The following RTP1 variants were observed in gnomAD, a reference collection of about 807,000 sequenced individuals.
RTP1 encodes the protein receptor transporter protein 1, also known as receptor-transporting protein 1.
Under a neutral mutation model 27.1 loss-of-function variants are expected in RTP1, and 24 were observed. The ratio of observed to expected loss-of-function variants is 0.89; its 90% CI spans 0.64 to 1.25. The LOEUF is 1.25. Among genes scored for constraint, RTP1 ranks in the 50% most tolerant of loss-of-function variants. The probability of loss-of-function intolerance (pLI) is 0.00; values close to 1 mark genes in which losing one functional copy is unlikely to be tolerated. For missense variants in RTP1, 338 were observed against 351.6 expected, an observed-to-expected ratio of 0.96 and a Z score of 0.31; for synonymous variants, 148 against 148.1, an observed-to-expected ratio of 1.00 and a Z score of 0.00.
chr3:187,199,580 G>C lies in RTP1; in HGVS notation c.302G>C (p.Trp101Ser). 1 of 1,597,372 alleles carries C rather than the reference G, an allele frequency of 6.3e-7. No homozygotes were observed. The highest frequency in any genetic ancestry group is 1.3e-5 in the African/African-American group (1 of 74,768). The part of the protein sequence containing the change: ...RFHCSWCWHT[W>S]QSPYVVILFH... The stretch of plus-strand genomic sequence containing the variant: ...CACTGCTCCTGGTGCTGGCACACCT[G>C]GCAGTCGCCCTACGTGGTCATCCTC... Residue 101 changes from tryptophan to serine, a missense_variant, in exon 2 of 2, where the codon TGG (tryptophan) becomes TCG (serine). Physicochemically the swap from Trp to Ser is radical, Grantham distance 177. This residue lies in a region of RTP1 where 252 missense variants were observed against 231.5 expected (regional missense o/e 1.09). Transcript: ENST00000312295.
chr3:187,197,488 T>G lies in RTP1; in HGVS notation c.-28T>G, dbSNP rs775360688. On this transcript the variant is annotated 5_prime_UTR_variant, in exon 1 of 2. Transcript: ENST00000312295. ...TTCCACTGCGGACAAAGGAGGGAGC[T>G]GGGTCCTGCTTCCTCCTGGTCTTGT... 1 of 1,603,676 alleles carries G rather than the reference T, an allele frequency of 6.2e-7. No individual in the cohort carries two copies. Among genetic ancestry groups the G allele is most frequent in the South Asian group, 1.1e-5 (1 of 90,508 alleles).
Position 187,199,896 on chromosome 3 carries a change from G to T in RTP1, c.618G>T (p.Lys206Asn). Reference protein sequence around the residue: ...EGIVHWKPSEKLLEEEATTYT... With the variant: ...EGIVHWKPSENLLEEEATTYT... ...TCGTGCACTGGAAGCCCAGCGAGAA[G>T]CTGCTGGAGGAGGAGGCGACCACCT... Residue 206 changes from lysine to asparagine, a missense_variant, in exon 2 of 2, where the codon AAG becomes AAT. Coordinates refer to ENST00000312295, the MANE Select transcript of RTP1 (RefSeq NM_153708.3). The T allele has an allele frequency of 6.3e-7, 1 of 1,592,566 alleles. No homozygotes were observed. Among genetic ancestry groups the T allele is most frequent in the East Asian group, 2.3e-5 (1 of 44,392 alleles).
rs1721666920 is a variant in RTP1 at position 187,199,610 on chromosome 3, A to G, written c.332A>G (p.His111Arg). 6.2e-7 allele frequency: 1 copy of G among 1,606,614 alleles called. No homozygotes were observed. Among genetic ancestry groups the G allele is most frequent in the Non-Finnish European group, 8.5e-7 (1 of 1,174,228 alleles). The change falls in exon 2 of 2, where the codon CAC becomes CGC. Residue 111 changes from histidine (H) to arginine (R), a missense_variant. Around this residue, in one of 3 missense-constraint regions of RTP1, gnomAD observed 252 missense variants for 231.5 expected, o/e 1.09. Coordinates refer to ENST00000312295, the MANE Select transcript of RTP1 (RefSeq NM_153708.3). ...WQSPYVVILF[H>R]MFLDRAQRAG... ...TCGCCCTACGTGGTCATCCTCTTCC[A>G]CATGTTCCTGGACCGCGCCCAGCGG...
chr3:187,199,815 C>T lies in RTP1; in HGVS notation c.537C>T (p.Ser179=), dbSNP rs1475084792. The change falls in exon 2 of 2, where the codon AGC becomes AGT. Residue 179 remains serine (S), a synonymous_variant. Coordinates refer to ENST00000312295, the MANE Select transcript of RTP1 (RefSeq NM_153708.3). Reference sequence around the variant, plus strand: ...GCCAGTACCGCATCCACGTGGCCAGCCGCCAGGACAACCGGCGGCACCGCG... The same window carrying T: ...GCCAGTACCGCATCCACGTGGCCAGTCGCCAGGACAACCGGCGGCACCGCG... ...RGGQYRIHVA[S]RQDNRRHRGE... is the part of the protein sequence containing the mutation. 6.2e-7 allele frequency: 1 copy of T among 1,609,046 alleles called. No individual in the cohort carries two copies. Among genetic ancestry groups the T allele is most frequent in the African/African-American group, 1.3e-5 (1 of 74,928 alleles).
Position 187,199,839 on chromosome 3 carries a change from C to A in RTP1, c.561C>A (p.Arg187=), listed in dbSNP as rs777810877. ...GCCGCCAGGACAACCGGCGGCACCG[C>A]GGAGAGTTCTGCGAGGCCTGCCAGG... ...VASRQDNRRH[R]GEFCEACQEG... is the part of the protein sequence containing the mutation. The change falls in exon 2 of 2, where the codon CGC becomes CGA. Residue 187 remains arginine (R), a synonymous_variant. Coordinates refer to ENST00000312295, the MANE Select transcript of RTP1 (RefSeq NM_153708.3). The A allele has an allele frequency of 1.2e-6, 2 of 1,606,998 alleles. No individual in the cohort carries two copies. Among genetic ancestry groups the A allele is most frequent in the Non-Finnish European group, 1.7e-6 (2 of 1,174,488 alleles).
chr3:187,201,449 C>T lies in RTP1; in HGVS notation c.*1379C>T, dbSNP rs570757272. ...TAAAGATGGGACACTTTAATAAAGA[C>T]AGGATATCTTCCATAAGGCTTAGTA... is the stretch of plus-strand genomic sequence containing the variant. On this transcript the variant is annotated 3_prime_UTR_variant, in exon 2 of 2. Transcript: ENST00000312295. 6.6e-6 allele frequency: 1 copy of T among 152,160 alleles called. No individual in the cohort carries two copies. Among genetic ancestry groups the T allele is most frequent in the Non-Finnish European group, 1.5e-5 (1 of 68,032 alleles). 9.4% of individuals were successfully genotyped at this position (152,160 alleles called of 1,614,324 possible).
Position 187,199,721 on chromosome 3 carries a change from A to C in RTP1, c.443A>C (p.Glu148Ala). ...ARLDESSMLEENIEGLVDNLI... is the reference protein window; with the variant it reads ...ARLDESSMLEANIEGLVDNLI... ...CTGGACGAGTCCAGCATGCTGGAGGAGAACATCGAGGGCCTGGTGGACAAC... is the reference window on the plus strand; with the variant it reads ...CTGGACGAGTCCAGCATGCTGGAGGCGAACATCGAGGGCCTGGTGGACAAC... Residue 148 changes from glutamate (E) to alanine (A), a missense_variant, in exon 2 of 2, where the codon GAG (glutamate) becomes GCG (alanine). Around this residue, in one of 3 missense-constraint regions of RTP1, gnomAD observed 252 missense variants for 231.5 expected, o/e 1.09. Transcript: ENST00000312295. 1 of 1,613,384 alleles carries C rather than the reference A, an allele frequency of 6.2e-7. No homozygotes were observed. The highest frequency in any genetic ancestry group is 8.5e-7 in the Non-Finnish European group (1 of 1,179,520).
intron 1 of RTP1, chr3:187,198,461 A>G (rs1443651377): frequency 6.6e-6 from 1 of 152,284 alleles, no homozygotes; most frequent in Non-Finnish European, 1.5e-5. Flanking sequence ...GGTGATTAGT[A>G]TGTAAAAACT....
Position 187,200,450 on chromosome 3 carries a change from CA to C in RTP1, c.*399del, listed in dbSNP as rs9331294. The C allele has an allele frequency of 0.18, 20,743 of 116,216 alleles. 1,386 individuals carry two copies. The highest frequency in any genetic ancestry group is 0.27 in the Middle Eastern group (55 of 206). 7.2% of individuals were successfully genotyped at this position (116,216 alleles called of 1,614,324 possible). A position where few individuals can be genotyped will look rare whatever the true frequency, so the allele number is the denominator to read the frequency against. ...AGGGTTCCATTTAAGATTTTTGTAC[CA>C]AAAAAAAAAAAAAAAAAAGTTTAAC... On this transcript the variant is annotated 3_prime_UTR_variant, in exon 2 of 2. Transcript: ENST00000312295.
chr3:187,200,509 G>T lies in RTP1; in HGVS notation c.*439G>T, dbSNP rs1272403769. On this transcript the variant is annotated 3_prime_UTR_variant, in exon 2 of 2. Coordinates refer to ENST00000312295, the MANE Select transcript of RTP1 (RefSeq NM_153708.3). ...AAAAAGTTTGAAAATTAGAGGACTG[G>T]GTGATCTCAAAAGGGCTTTCCACAG... The T allele has an allele frequency of 6.6e-6, 1 of 152,630 alleles. No individual in the cohort carries two copies. Among genetic ancestry groups the T allele is most frequent in the Non-Finnish European group, 1.5e-5 (1 of 68,692 alleles). 9.5% of individuals were successfully genotyped at this position (152,630 alleles called of 1,614,324 possible).
rs1161888974 is a variant in RTP1 at position 187,199,741 on chromosome 3, G to A, written c.463G>A (p.Asp155Asn). Residue 155 changes from aspartate to asparagine, a missense_variant, in exon 2 of 2, where the codon GAC becomes AAC. By Grantham distance (23) the Asp-to-Asn change is conservative. Around this residue, in one of 3 missense-constraint regions of RTP1, gnomAD observed 252 missense variants for 231.5 expected, o/e 1.09. Transcript: ENST00000312295. ...MLEENIEGLVDNLITSLREQC... is the reference protein window; with the variant it reads ...MLEENIEGLVNNLITSLREQC... Reference sequence around the variant, plus strand: ...GGAGGAGAACATCGAGGGCCTGGTGGACAACCTCATCACCAGCCTGCGCGA... The same window carrying A: ...GGAGGAGAACATCGAGGGCCTGGTGAACAACCTCATCACCAGCCTGCGCGA... The A allele has an allele frequency of 6.2e-7, 1 of 1,613,576 alleles. No homozygotes were observed. The highest frequency in any genetic ancestry group is 8.5e-7 in the Non-Finnish European group (1 of 1,179,656).
rs1016622455 is a variant in RTP1, at chr3:187,200,184, C to G, written c.*114C>G. On this transcript the variant is annotated 3_prime_UTR_variant, in exon 2 of 2. Transcript: ENST00000312295. ...CTTCTAGCGCTGGTGATGTCACTGA[C>G]TCAGTGGGGATCTTGGACAAATTAT... 1 of 887,996 alleles carries G rather than the reference C, an allele frequency of 1.1e-6. No homozygotes were observed. The highest frequency in any genetic ancestry group is 3.0e-5 in the Admixed American group (1 of 33,498). 55.0% of individuals were successfully genotyped at this position (887,996 alleles called of 1,614,324 possible).
Position 187,200,035 on chromosome 3 carries a change from A to G in RTP1, c.757A>G (p.Ile253Val), listed in dbSNP as rs150971962. 6.7e-4 allele frequency: 1,019 copies of G among 1,519,034 alleles called. 1 individual carries two copies. Among genetic ancestry groups the G allele is most frequent in the Non-Finnish European group, 7.7e-4 (867 of 1,132,526 alleles). The allele number at this position is 1,519,034 out of a possible 1,614,324, so 94.1% of individuals were successfully genotyped here. Reference sequence around the variant, plus strand: ...TTGGGCCACGGTCCTGCTGCTGATCATCTACCTGCAGTTCTCTTTCCGTAG... The same window carrying G: ...TTGGGCCACGGTCCTGCTGCTGATCGTCTACCTGCAGTTCTCTTTCCGTAG... Reference protein sequence around the residue: ...LFWATVLLLIIYLQFSFRSSV With the variant: ...LFWATVLLLIVYLQFSFRSSV Residue 253 changes from isoleucine to valine, a missense_variant, in exon 2 of 2, where the codon ATC (isoleucine) becomes GTC (valine). Transcript: ENST00000312295.
rs1721713642 is a variant in RTP1, at chr3:187,201,218, G to A, written c.*1148G>A. 1 of 152,226 alleles carries A rather than the reference G, an allele frequency of 6.6e-6. No individual in the cohort carries two copies. The highest frequency in any genetic ancestry group is 6.5e-5 in the Admixed American group (1 of 15,286). The allele number at this position is 152,226 out of a possible 1,614,324, so 9.4% of individuals were successfully genotyped here. On this transcript the variant is annotated 3_prime_UTR_variant, in exon 2 of 2. Coordinates refer to ENST00000312295, the MANE Select transcript of RTP1 (RefSeq NM_153708.3). Reference sequence around the variant, plus strand: ...CAGATATGTGGGAGAACCTTACAAGGCTCTAAAATGAGATGTGATATGGCT... The same window carrying A: ...CAGATATGTGGGAGAACCTTACAAGACTCTAAAATGAGATGTGATATGGCT...
chr3:187,198,020 A>G, intron 1 of RTP1: 1 of 516,458 alleles, frequency 1.9e-6, no homozygotes, highest in East Asian at 3.0e-5. Flanking sequence ...TCTGAGTCAC[A>G]ATTTTTCCGT....
chr3:187,199,480 A>T, intron 1 of RTP1, 71 bp from the exon 2 acceptor site: 1 of 1,498,202 alleles, frequency 6.7e-7, no homozygotes, highest in Non-Finnish European at 9.0e-7. Flanking sequence ...ACGTCCCCTC[A>T]CGCCATTCCT....
intron 1 of RTP1, chr3:187,198,074 T>C: frequency 3.0e-6 from 1 of 332,212 alleles, no homozygotes; most frequent in Non-Finnish European, 5.5e-6. Context: ...TCCTACACAC[T>C]GACATTTTAC....
chr3:187,199,778 G>C lies in RTP1; in HGVS notation c.500G>C (p.Gly167Ala). 1 of 1,613,302 alleles carries C rather than the reference G, an allele frequency of 6.2e-7. No homozygotes were observed. The highest frequency in any genetic ancestry group is 8.5e-7 in the Non-Finnish European group (1 of 1,179,508). The change falls in exon 2 of 2, where the codon GGC becomes GCC. Residue 167 changes from glycine to alanine, a missense_variant. Physicochemically the swap from Gly to Ala is moderately conservative, Grantham distance 60. Transcript: ENST00000312295. Reference sequence around the variant, plus strand: ...ACCAGCCTGCGCGAGCAGTGCTACGGCGAGCGTGGCGGCCAGTACCGCATC... The same window carrying C: ...ACCAGCCTGCGCGAGCAGTGCTACGCCGAGCGTGGCGGCCAGTACCGCATC... ...LITSLREQCY[G>A]ERGGQYRIHV...
At position 187,200,064 on chromosome 3, in the gene RTP1, C is replaced by T. The variant is rs147765157; in HGVS notation, c.786C>T (p.Ser262=). 101 of 1,505,866 alleles carry T rather than the reference C, an allele frequency of 6.7e-5. 1 individual carries two copies. In the African/African-American group the frequency reaches 1.1e-3, roughly 16 times the overall value. 93.3% of individuals were successfully genotyped at this position (1,505,866 alleles called of 1,614,324 possible). Residue 262 remains serine, a synonymous_variant, in exon 2 of 2, where the codon TCC becomes TCT. Transcript: ENST00000312295. ...ACCTGCAGTTCTCTTTCCGTAGCTC[C>T]GTATAAGATTCCGTGGTTGGGCCCA... The part of the protein sequence containing the change: ...IIYLQFSFRS[S]V
Sources: allele counts gnomAD v4.1 joint callset, GRCh38; gene constraint gnomAD v4.1.1; regional missense constraint gnomAD v4.1.1; transcripts MANE v1.5; gene names NCBI Gene and HGNC (gene_info 2026-07-23, HGNC 2026-07-21).